The following TBPL2 variants were observed in gnomAD, a reference collection of about 807,000 sequenced individuals.
TBPL2 encodes TATA box-binding protein-like 2.
Under a neutral mutation model 38.2 loss-of-function variants are expected in TBPL2, and 40 were observed. That is an observed-to-expected ratio of 1.05 (90% CI 0.81 to 1.36). The LOEUF (loss-of-function observed/expected upper bound fraction) is 1.36, where lower values mean the gene tolerates loss of function less well. TBPL2 is among the 40% of genes most tolerant of loss of function. The probability of loss-of-function intolerance (pLI) is 0.00; values close to 1 mark genes in which losing one functional copy is unlikely to be tolerated. For missense variants in TBPL2, 461 were observed against 456.7 expected, an observed-to-expected ratio of 1.01 and a Z score of -0.09; for synonymous variants, 169 against 171.7, an observed-to-expected ratio of 0.98 and a Z score of 0.12.
intron 3 of TBPL2, 94 bp downstream of exon 3, chr14:55,435,753 A>G: frequency 2.1e-6 from 2 of 931,674 alleles, no homozygotes; most frequent in Non-Finnish European, 3.1e-6. Context: ...ATTTTTTAAG[A>G]AAAAACAGAG....
intron 6 of TBPL2, among the ~76,000 whole-genome samples, chr14:55,418,101 G>A (rs1245924688): frequency 6.6e-6 from 1 of 152,162 alleles, no homozygotes; most frequent in African/African-American, 2.4e-5. Context: ...CCAGCTTAGG[G>A]ACATTGGCAT....
chr14:55,417,410 C>T (rs917082830), intron 6 of TBPL2, among the ~76,000 whole-genome samples: 3 of 143,442 alleles, frequency 2.1e-5, no homozygotes, highest in Non-Finnish European at 4.5e-5. Context: ...TAATCAAAAA[C>T]CCCAATTTGT....
intron 1 of TBPL2, among the ~76,000 whole-genome samples, chr14:55,437,263 G>A (rs894501828): frequency 6.6e-6 from 1 of 152,230 alleles, no homozygotes; most frequent in Admixed American, 6.5e-5. Flanking sequence ...GATGGCTGGA[G>A]GCTAGGAGTT....
chr14:55,416,897 TTCAC>T (rs529967473), intron 6 of TBPL2, among the ~76,000 whole-genome samples: 3 of 152,244 alleles, frequency 2.0e-5, no homozygotes, highest in Non-Finnish European at 4.4e-5. Flanking sequence ...AGCCATGAAC[TTCAC>T]TCATTTTCCA....
At chr14:55,433,651 A>T in exon 4 of TBPL2, 1 of 1,614,076 alleles carries the variant, frequency 6.2e-7, no homozygotes, top group Non-Finnish European at 8.5e-7. Context: ...CGTGCAGACC[A>T]TCTTCCCAGA....
exon 7 of TBPL2, chr14:55,414,333 A>G (rs759869634): frequency 4.1e-5 from 58 of 1,399,840 alleles, no homozygotes; most frequent in Non-Finnish European, 5.8e-5. Flanking sequence ...TGCTGGGCTT[A>G]TGGACATATT....
At chr14:55,421,333 G>A (rs964688866) in intron 6 of TBPL2, among the ~76,000 whole-genome samples, 1 of 152,158 alleles carries the variant, frequency 6.6e-6, no homozygotes, top group Non-Finnish European at 1.5e-5. Flanking sequence ...TCTAGGACAT[G>A]TAGAGGTAAA....
Position 55,418,029 on chromosome 14 carries a change from T to G in TBPL2, c.1052-3574A>C, listed in dbSNP as rs184200845. ...GTGATAAAGGATGTGAGCTAAGGTT[T>G]GTAGAAAGTTGGGACATTTTATAAA... On this transcript the variant is annotated intron_variant, in intron 6 of 6. Transcript: ENST00000247219. Among the ~76,000 whole-genome samples the G allele has an allele frequency of 3.3e-4, 51 of 152,322 alleles. No homozygotes were observed. In the East Asian group the frequency reaches 9.6e-3, roughly 29 times the overall value.
chr14:55,432,032 C>T (rs1002514834), intron 4 of TBPL2, among the ~76,000 whole-genome samples: 4 of 152,004 alleles, frequency 2.6e-5, no homozygotes, highest in African/African-American at 9.7e-5. Context: ...GCACAAATGC[C>T]TTAAGGGCAA....
intron 3 of TBPL2, among the ~76,000 whole-genome samples, chr14:55,434,375 G>T (rs954091064): frequency 2.6e-5 from 4 of 152,112 alleles, no homozygotes; most frequent in Non-Finnish European, 5.9e-5. Flanking sequence ...CCTGCCACAT[G>T]GACGTGTCAT....
At chr14:55,428,920 A>G in exon 5 of TBPL2, 1 of 1,614,184 alleles carries the variant, frequency 6.2e-7, no homozygotes, top group Non-Finnish European at 8.5e-7. Flanking sequence ...CAGGGAACCC[A>G]AGCTTCTGCA....
intron 3 of TBPL2, 104 bp from the exon 4 acceptor site, chr14:55,433,825 A>G (rs1332228332): frequency 2.1e-6 from 2 of 952,842 alleles, no homozygotes; most frequent in South Asian, 3.7e-5. Context: ...ATTGGATGGG[A>G]AAACTAAATG....
chr14:55,436,687 C>T (rs1886018393), exon 2 of TBPL2: 1 of 1,614,174 alleles, frequency 6.2e-7, no homozygotes, highest in Non-Finnish European at 8.5e-7. Context: ...GTCAGTATCA[C>T]CAGGGTGCAG....
At chr14:55,425,560 A>C (rs2140169966) in intron 5 of TBPL2, among the ~76,000 whole-genome samples, 1 of 152,326 alleles carries the variant, frequency 6.6e-6, no homozygotes, top group East Asian at 1.9e-4. Context: ...ATTCCAAAAG[A>C]AGGCTGAGGC....
intron 6 of TBPL2, among the ~76,000 whole-genome samples, chr14:55,421,856 C>T (rs140706615): frequency 6.6e-6 from 1 of 152,296 alleles, no homozygotes; most frequent in East Asian, 1.9e-4. Context: ...ACAGACATGT[C>T]ATTTTGCTGG....
intron 6 of TBPL2, among the ~76,000 whole-genome samples, chr14:55,418,584 C>G (rs916789693): frequency 6.6e-6 from 1 of 152,038 alleles, no homozygotes; most frequent in Non-Finnish European, 1.5e-5. Context: ...TGTCTCTGGC[C>G]CACTCACTAA....
rs951633747 is a variant in TBPL2 at position 55,439,767 on chromosome 14, A to G, written c.150+629T>C. Among the ~76,000 whole-genome samples, 14 of 151,834 alleles carry G rather than the reference A, an allele frequency of 9.2e-5. No individual in the cohort carries two copies. In the East Asian group the frequency reaches 2.5e-3, roughly 27 times the overall value. On this transcript the variant is annotated intron_variant, in intron 1 of 6. Transcript: ENST00000247219. The stretch of plus-strand genomic sequence containing the variant: ...AACACGGTGAAACACTGTCTCTACT[A>G]AAAATACAAAAAAATTAGCCGGGCG...
intron 4 of TBPL2, among the ~76,000 whole-genome samples, chr14:55,432,442 A>AACAAAAAAAAC (rs1555344429): frequency 0.072 from 10,728 of 149,086 alleles, 1,122 homozygotes; most frequent in African/African-American, 0.24. Context: ...ATAAACAAAC[A>AACAAAAAAAAC]ACAAAAAAAA....
At chr14:55,429,627 A>G (rs1281706961) in intron 4 of TBPL2, among the ~76,000 whole-genome samples, 1 of 152,026 alleles carries the variant, frequency 6.6e-6, no homozygotes, top group Non-Finnish European at 1.5e-5. Context: ...TTAGCTGGAC[A>G]TGGTGGCGGG....
Sources: gnomAD v4.1 joint callset for allele counts (sites outside exome capture counted in the v4.1 genomes callset) on GRCh38, gnomAD v4.1.1 for gene constraint, MANE v1.5 for transcripts, NCBI Gene and HGNC (gene_info 2026-07-23, HGNC 2026-07-21) for gene names.